Variants in RFTN1 observed in about 807,000 individuals in gnomAD.
RFTN1 encodes raftlin, lipid raft linker 1.
A neutral mutation model predicts 46.5 loss-of-function variants in RFTN1; 26 were observed. That is an observed-to-expected ratio of 0.56 (90% confidence interval 0.41 to 0.78). The LOEUF (loss-of-function observed/expected upper bound fraction) is 0.78, where lower values mean the gene tolerates loss of function less well. Ranked by LOEUF, RFTN1 falls within the 30% of genes least tolerant of loss-of-function variation. The pLI is 0.00. For synonymous variants in RFTN1, 261 were observed against 284.2 expected (o/e 0.92, Z 0.82); for missense variants, 693 against 718.7 (o/e 0.96, Z 0.41).
At chr3:16,415,430 T>TATATAC in intron 3 of RFTN1, among the ~76,000 whole-genome samples, 10 of 114,348 alleles carry the variant, frequency 8.7e-5, no homozygotes, top group African/African-American at 2.7e-4. Flanking sequence ...TATATATATA[T>TATATAC]ACACACACAC....
Position 16,429,453 on chromosome 3 carries a change from G to T in RFTN1, c.332+4398C>A, listed in dbSNP as rs1374320600. ...AAAAGAAATCAGGCCCAAGTTAAAA[G>T]CTGCCCCTCCAGAAACATTTCCTTG... On this transcript the variant is annotated intron_variant, in intron 3 of 9. Coordinates refer to ENST00000334133, the MANE Select transcript of RFTN1 (RefSeq NM_015150.2). This position sits in a 1 kb window ranked among gnomAD's most constrained non-coding sequence, Gnocchi z 6.4. Among the ~76,000 whole-genome samples, 3 of 152,152 alleles carry T rather than the reference G, an allele frequency of 2.0e-5. No homozygotes were observed. The highest frequency in any genetic ancestry group is 4.4e-5 in the Non-Finnish European group (3 of 68,034).
In RFTN1 at chr3:16,410,656, C is replaced by T. The variant is rs62236344; in HGVS notation, c.333-1173G>A. Among the ~76,000 whole-genome samples, 11,548 of 152,152 alleles carry T rather than the reference C, an allele frequency of 0.076. 534 individuals are homozygous for T. Among genetic ancestry groups the T allele is most frequent in the Middle Eastern group, 0.14 (41 of 294 alleles). On this transcript the variant is annotated intron_variant, in intron 3 of 9. Coordinates refer to ENST00000334133, the MANE Select transcript of RFTN1 (RefSeq NM_015150.2). The surrounding 1 kb of genome is among the most constrained non-coding windows in gnomAD (Gnocchi z 4.6). ...TCTGGGAAAACAGCGTGGGTGTAAA[C>T]GGCTGTCTGAGGTGAAGGCCTGTAG...
intron 7 of RFTN1, chr3:16,350,197 A>G (rs540124727): frequency 6.6e-6 from 1 of 152,346 alleles, no homozygotes; most frequent in African/African-American, 2.4e-5. Context: ...ATGTCAGCTT[A>G]TACAGAATGA....
chr3:16,366,074 GT>G (rs1223608590), intron 6 of RFTN1, among the ~76,000 whole-genome samples: 1 of 152,186 alleles, frequency 6.6e-6, no homozygotes, highest in Non-Finnish European at 1.5e-5. Flanking sequence ...GTGGGCAGGG[GT>G]GTGGAGCAGG....
rs1269447803 is a variant in RFTN1, at chr3:16,322,198, G to T, written c.1332+1178C>A. On this transcript the variant is annotated intron_variant, in intron 9 of 9. Coordinates refer to ENST00000334133, the MANE Select transcript of RFTN1 (RefSeq NM_015150.2). The surrounding 1 kb of genome is among the most constrained non-coding windows in gnomAD (Gnocchi z 6.2). ...CCTGGTGGTTGATGGTGGGCTGGCA[G>T]TTCCCTTCTGGTCCATTGTGCCGTC... Among the ~76,000 whole-genome samples, 1 of 152,188 alleles carries T rather than the reference G, an allele frequency of 6.6e-6. No individual in the cohort carries two copies. The highest frequency in any genetic ancestry group is 2.4e-5 in the African/African-American group (1 of 41,444).
At chr3:16,318,235 G>A (rs2068648836) in intron 9 of RFTN1, among the ~76,000 whole-genome samples, 1 of 148,696 alleles carries the variant, frequency 6.7e-6, no homozygotes, top group Non-Finnish European at 1.5e-5. Flanking sequence ...GTGGCCCAGA[G>A]TGCACGTGGG....
At chr3:16,502,089 C>T (rs2076719597) in intron 1 of RFTN1, among the ~76,000 whole-genome samples, 1 of 152,100 alleles carries the variant, frequency 6.6e-6, no homozygotes, top group African/African-American at 2.4e-5. Context: ...GTTGAGCATG[C>T]ATTATTTTCA....
intron 5 of RFTN1, among the ~76,000 whole-genome samples, chr3:16,377,403 C>A (rs1229695845): frequency 1.3e-5 from 2 of 152,172 alleles, no homozygotes; most frequent in African/African-American, 2.4e-5. Context: ...TGTGTGAAAA[C>A]TGGATAATTC....
At position 16,374,426 on chromosome 3, in the gene RFTN1, A is replaced by G. The variant is rs1272886449; in HGVS notation, c.826+3292T>C. On this transcript the variant is annotated intron_variant, in intron 5 of 9. Coordinates refer to ENST00000334133, the MANE Select transcript of RFTN1 (RefSeq NM_015150.2). This position sits in a 1 kb window ranked among gnomAD's most constrained non-coding sequence, Gnocchi z 5.4. ...GGAGGGGGCCGCATCATGGGGTCCA[A>G]CTATCCCAAGGGAGTTGGGAGGGAA... is the stretch of plus-strand genomic sequence containing the variant. Among the ~76,000 whole-genome samples the G allele has an allele frequency of 2.0e-5, 3 of 152,152 alleles. No homozygotes were observed. The highest frequency in any genetic ancestry group is 4.4e-5 in the Non-Finnish European group (3 of 68,008).
In RFTN1 at chr3:16,329,671, A is replaced by G. The variant is rs1440323177; in HGVS notation, c.1147-2795T>C. On this transcript the variant is annotated intron_variant, in intron 7 of 9. Transcript: ENST00000334133. This position sits in a 1 kb window ranked among gnomAD's most constrained non-coding sequence, Gnocchi z 4.5. ...TCCCTGCCCCCATCCCCGTATTCCCAGTTTAAAGAGAGGAGGAAAACCAAT... is the reference window on the plus strand; with the variant it reads ...TCCCTGCCCCCATCCCCGTATTCCCGGTTTAAAGAGAGGAGGAAAACCAAT... Among the ~76,000 whole-genome samples, 1 of 152,140 alleles carries G rather than the reference A, an allele frequency of 6.6e-6. No homozygotes were observed. The highest frequency in any genetic ancestry group is 1.5e-5 in the Non-Finnish European group (1 of 68,018).
rs540929116 is a variant in RFTN1 at position 16,358,830 on chromosome 3, G to A, written c.1031-783C>T. Reference sequence around the variant, plus strand: ...GAGGATTCACTGAGCTCAGGAGTTCGAGACCAGCCTGGGCAACACAATGAA... The same window carrying A: ...GAGGATTCACTGAGCTCAGGAGTTCAAGACCAGCCTGGGCAACACAATGAA... On this transcript the variant is annotated intron_variant, in intron 6 of 9. Transcript: ENST00000334133. Among the ~76,000 whole-genome samples, 6 of 152,014 alleles carry A rather than the reference G, an allele frequency of 3.9e-5. No individual in the cohort carries two copies. The South Asian group carries it at 6.2e-4, about 16-fold the overall frequency.
In RFTN1 at chr3:16,450,123, A is replaced by G. The variant is rs1339904500; in HGVS notation, c.146-16086T>C. ...CCCAATTTGTAAAATTAAATGTGCA[A>G]ACAGAAAATATTTCTCTGAAAGAGT... is the stretch of plus-strand genomic sequence containing the variant. On this transcript the variant is annotated intron_variant, in intron 2 of 9. Coordinates refer to ENST00000334133, the MANE Select transcript of RFTN1 (RefSeq NM_015150.2). This position sits in a 1 kb window ranked among gnomAD's most constrained non-coding sequence, Gnocchi z 4.6. Among the ~76,000 whole-genome samples, 2 of 152,216 alleles carry G rather than the reference A, an allele frequency of 1.3e-5. No individual in the cohort carries two copies. Among genetic ancestry groups the G allele is most frequent in the African/African-American group, 4.8e-5 (2 of 41,450 alleles).
intron 3 of RFTN1, among the ~76,000 whole-genome samples, chr3:16,415,430 T>TATATATATATATACACACACACAC: frequency 8.8e-6 from 1 of 114,276 alleles, no homozygotes; most frequent in Non-Finnish European, 2.0e-5. Flanking sequence ...TATATATATA[T>TATATATATATATACACACACACAC]ACACACACAC....
rs528647299 is a variant in RFTN1 at position 16,504,804 on chromosome 3, T to C, written c.-9+8638A>G. Among the ~76,000 whole-genome samples, 100 of 152,292 alleles carry C rather than the reference T, an allele frequency of 6.6e-4. 2 individuals are homozygous for C. The South Asian group carries it at 0.02, about 31-fold the overall frequency. On this transcript the variant is annotated intron_variant, in intron 1 of 9. Coordinates refer to ENST00000334133, the MANE Select transcript of RFTN1 (RefSeq NM_015150.2). This position sits in a 1 kb window ranked among gnomAD's most constrained non-coding sequence, Gnocchi z 4.4. ...CAAGAACTGTTTCAACATCTCCACC[T>C]GGAACTTTCTCTCTTCACCTGAGAC...
At chr3:16,487,102 T>C (rs1295840157) in intron 2 of RFTN1, among the ~76,000 whole-genome samples, 1 of 152,196 alleles carries the variant, frequency 6.6e-6, no homozygotes, top group Admixed American at 6.5e-5. Flanking sequence ...GGGTAGCAAC[T>C]TCCAGCCTCC....
rs1486132616 is a variant in RFTN1, at chr3:16,374,757, G to A, written c.826+2961C>T. On this transcript the variant is annotated intron_variant, in intron 5 of 9. Transcript: ENST00000334133. The surrounding 1 kb of genome is among the most constrained non-coding windows in gnomAD (Gnocchi z 5.4). Reference sequence around the variant, plus strand: ...AGACACTGAGGCTGTCCCTGCACAGGCTCAGGTGATCACGGCACAGCACGG... The same window carrying A: ...AGACACTGAGGCTGTCCCTGCACAGACTCAGGTGATCACGGCACAGCACGG... Among the ~76,000 whole-genome samples, 1 of 152,176 alleles carries A rather than the reference G, an allele frequency of 6.6e-6. No homozygotes were observed. Among genetic ancestry groups the A allele is most frequent in the African/African-American group, 2.4e-5 (1 of 41,446 alleles).
chr3:16,451,864 G>A lies in RFTN1; in HGVS notation c.146-17827C>T, dbSNP rs534734224. 1.7e-4 allele frequency among the ~76,000 whole-genome samples: 26 copies of A among 152,024 alleles called. No individual in the cohort carries two copies. The highest frequency in any genetic ancestry group is 2.8e-4 in the Non-Finnish European group (19 of 68,032). On this transcript the variant is annotated intron_variant, in intron 2 of 9. Transcript: ENST00000334133. The surrounding 1 kb of genome is among the most constrained non-coding windows in gnomAD (Gnocchi z 4.2). ...TTTACAGCTTCATTTTGGCATATCC[G>A]AATTGCCAGCATCACTAGCTTTGTG... is the stretch of plus-strand genomic sequence containing the variant.
In RFTN1 at chr3:16,465,497, T is replaced by C. The variant is rs2076075526; in HGVS notation, c.145+28228A>G. Among the ~76,000 whole-genome samples, 1 of 150,538 alleles carries C rather than the reference T, an allele frequency of 6.6e-6. No homozygotes were observed. Among genetic ancestry groups the C allele is most frequent in the African/African-American group, 2.5e-5 (1 of 40,722 alleles). The stretch of plus-strand genomic sequence containing the variant: ...CAAAATAATTTTTAAAAATCCAAAA[T>C]CCAATACAGTTCGAAACTTAACAAT... On this transcript the variant is annotated intron_variant, in intron 2 of 9. Coordinates refer to ENST00000334133, the MANE Select transcript of RFTN1 (RefSeq NM_015150.2). This position sits in a 1 kb window ranked among gnomAD's most constrained non-coding sequence, Gnocchi z 5.1.
chr3:16,370,048 A>T lies in RFTN1; in HGVS notation c.1030+28T>A. ...TTAGAAGCAGAGTTCACAAAGGGCC[A>T]CCCAAGGACTGTGAATTCCAAACAT... On this transcript the variant is annotated intron_variant, in intron 6 of 9. Transcript: ENST00000334133. The surrounding 1 kb of genome is among the most constrained non-coding windows in gnomAD (Gnocchi z 5.5). 1.2e-6 allele frequency: 2 copies of T among 1,606,020 alleles called. No individual in the cohort carries two copies. Among genetic ancestry groups the T allele is most frequent in the Non-Finnish European group, 1.7e-6 (2 of 1,172,606 alleles).
Sources: gnomAD v4.1 joint callset for allele counts (sites outside exome capture counted in the v4.1 genomes callset) on GRCh38, gnomAD v4.1.1 for gene constraint, Gnocchi (gnomAD v3.1) non-coding constraint, MANE v1.5 for transcripts, NCBI Gene and HGNC (gene_info 2026-07-23, HGNC 2026-07-21) for gene names.